SDC3: variants seen among roughly 807,000 people sequenced by gnomAD.
The protein encoded by SDC3 is syndecan 3.
In SDC3, 13 loss-of-function variants were observed where a neutral mutation model predicts 24.4. That is an observed-to-expected ratio of 0.53 (90% CI 0.35 to 0.85). SDC3 has a LOEUF of 0.85. SDC3 is among the 40% of genes least tolerant of loss of function. The pLI, the probability that SDC3 is intolerant of heterozygous loss-of-function variation, is 0.01. For missense variants in SDC3, 571 were observed against 584.5 expected, an observed-to-expected ratio of 0.98 and a Z score of 0.24; for synonymous variants, 295 against 260.9, an observed-to-expected ratio of 1.13 and a Z score of -1.26.
Position 30,872,857 on chromosome 1 carries a change from C to T in SDC3, c.*354G>A. The T allele has an allele frequency of 3.7e-6, 1 of 271,020 alleles. No individual in the cohort carries two copies. The highest frequency in any genetic ancestry group is 7.4e-5 in the South Asian group (1 of 13,586). 16.8% of individuals were successfully genotyped at this position (271,020 alleles called of 1,614,324 possible). ...GAGATCTCAGTGAGCACTGTGGGTGCCAAGTCAGGGCTCAGGCTCATCTCA... is the reference window on the plus strand; with the variant it reads ...GAGATCTCAGTGAGCACTGTGGGTGTCAAGTCAGGGCTCAGGCTCATCTCA... On this transcript the variant is annotated 3_prime_UTR_variant, in exon 5 of 5. Transcript: ENST00000339394.
chr1:30,893,005 C>G (rs993633366), intron 1 of SDC3, among the ~76,000 whole-genome samples: 1 of 152,180 alleles, frequency 6.6e-6, no homozygotes, highest in African/African-American at 2.4e-5. Context: ...GGGAGCTCCA[C>G]CAGGGAAAGG....
intron 1 of SDC3, among the ~76,000 whole-genome samples, chr1:30,879,486 C>T (rs571272632): frequency 2.0e-5 from 3 of 152,158 alleles, no homozygotes; most frequent in African/African-American, 7.2e-5. Flanking sequence ...TTCCCCAGCT[C>T]CCCTCTGCCC....
intron 1 of SDC3, among the ~76,000 whole-genome samples, chr1:30,880,350 C>T (rs1456459162): frequency 1.2e-5 from 1 of 86,836 alleles, no homozygotes; most frequent in Non-Finnish European, 2.1e-5. Flanking sequence ...TGAGGGAGGC[C>T]AGGGGGCAGA....
intron 1 of SDC3, among the ~76,000 whole-genome samples, chr1:30,893,125 G>A (rs987930108): frequency 6.6e-6 from 1 of 152,200 alleles, no homozygotes; most frequent in African/African-American, 2.4e-5. Context: ...AACATGGAAA[G>A]GCAAAAGGGA....
At chr1:30,876,201 G>A (rs1346810618) in intron 3 of SDC3, among the ~76,000 whole-genome samples, 5 of 152,168 alleles carry the variant, frequency 3.3e-5, no homozygotes, top group South Asian at 2.1e-4. Context: ...CTGAGGTCCC[G>A]TGACTAGGAA....
At chr1:30,893,033 T>A (rs558324322) in intron 1 of SDC3, among the ~76,000 whole-genome samples, 1 of 152,102 alleles carries the variant, frequency 6.6e-6, no homozygotes, top group South Asian at 2.1e-4. Flanking sequence ...AACAGCCAAG[T>A]TGGGCTGATG....
At chr1:30,887,406 A>G (rs745992485) in intron 1 of SDC3, among the ~76,000 whole-genome samples, 1 of 151,986 alleles carries the variant, frequency 6.6e-6, no homozygotes. Flanking sequence ...CTGTCCTCCT[A>G]TGAAACGGGA....
chr1:30,903,515 C>G (rs1638455088), intron 1 of SDC3, among the ~76,000 whole-genome samples: 1 of 152,144 alleles, frequency 6.6e-6, no homozygotes, highest in African/African-American at 2.4e-5. Flanking sequence ...CCATACACCC[C>G]CAGTGGCCCT....
At chr1:30,904,639 A>G in intron 1 of SDC3, among the ~76,000 whole-genome samples, 1 of 152,184 alleles carries the variant, frequency 6.6e-6, no homozygotes, top group Non-Finnish European at 1.5e-5. Flanking sequence ...CCTTGAGGAT[A>G]GAGTCACAGC....
intron 1 of SDC3, among the ~76,000 whole-genome samples, chr1:30,881,623 G>A (rs915727981): frequency 9.9e-5 from 15 of 152,234 alleles, no homozygotes; most frequent in Non-Finnish European, 1.6e-4. Context: ...GAAGGCCTGA[G>A]CATCAGGTCC....
At chr1:30,908,189 G>GCCC (rs1407909931) in intron 1 of SDC3, among the ~76,000 whole-genome samples, 2 of 151,390 alleles carry the variant, frequency 1.3e-5, no homozygotes, top group Non-Finnish European at 3.0e-5. Flanking sequence ...GGAGAGATGC[G>GCCC]CCCCCCGAAG....
intron 1 of SDC3, among the ~76,000 whole-genome samples, chr1:30,894,369 T>C: frequency 8.4e-6 from 1 of 118,356 alleles, no homozygotes; most frequent in South Asian, 2.8e-4. Flanking sequence ...TGTGAGTGTG[T>C]GTGTGGGTGA....
intron 1 of SDC3, among the ~76,000 whole-genome samples, chr1:30,888,123 A>G (rs1180763007): frequency 6.6e-6 from 1 of 152,194 alleles, no homozygotes; most frequent in Non-Finnish European, 1.5e-5. Flanking sequence ...AGCACACACT[A>G]AGCACTGGAC....
At position 30,874,547 on chromosome 1, in the gene SDC3, C is replaced by T. The variant is rs138216316; in HGVS notation, c.912G>A (p.Glu304=). 139 of 1,614,162 alleles carry T rather than the reference C, an allele frequency of 8.6e-5. No individual in the cohort carries two copies. The African/African-American group carries it at 1.7e-3, about 20-fold the overall frequency. Residue 304 remains glutamate, a synonymous_variant, in exon 4 of 5, where the codon GAG becomes GAA. Transcript: ENST00000339394. ...GCCCCCCACTCACCGGAACCTCTGG[C>T]TCATCCCGGATTGTGGTCAGGAAGG... ...PETFLTTIRD[E]PEVPVSGGPS...
chr1:30,885,944 C>T (rs1312552768), intron 1 of SDC3, among the ~76,000 whole-genome samples: 1 of 152,200 alleles, frequency 6.6e-6, no homozygotes, highest in Non-Finnish European at 1.5e-5. Context: ...TGGGACGCCT[C>T]CGTCACCGCC....
chr1:30,878,792 G>C, intron 1 of SDC3, 52 bp from the exon 2 acceptor site: 9 of 1,514,626 alleles, frequency 5.9e-6, no homozygotes, highest in East Asian at 2.3e-5. Context: ...CTGGCAGCCT[G>C]GGTGAGCCCA....
chr1:30,894,949 T>A (rs1639980142), intron 1 of SDC3, among the ~76,000 whole-genome samples: 1 of 151,974 alleles, frequency 6.6e-6, no homozygotes, highest in African/African-American at 2.4e-5. Context: ...TGTATGTGTG[T>A]CCCTGTCTCT....
chr1:30,894,638 G>T (rs1365544220), intron 1 of SDC3, among the ~76,000 whole-genome samples: 1 of 45,576 alleles, frequency 2.2e-5, no homozygotes, highest in East Asian at 9.4e-4. Context: ...AGAGTGTGTG[G>T]GTGTGTGTGG....
chr1:30,902,453 G>C (rs1638435380), intron 1 of SDC3, among the ~76,000 whole-genome samples: 1 of 152,212 alleles, frequency 6.6e-6, no homozygotes. Context: ...GGGGAGTGAG[G>C]GTGTGGGGGG....
Sources: allele counts gnomAD v4.1 joint callset (sites outside exome capture counted in the v4.1 genomes callset), GRCh38; gene constraint gnomAD v4.1.1; transcripts MANE v1.5; gene names NCBI Gene and HGNC (gene_info 2026-07-23, HGNC 2026-07-21).